Variants in SRSF7 observed in about 807,000 individuals in gnomAD.
SRSF7 encodes serine/arginine-rich splicing factor 7.
In SRSF7, 15 loss-of-function variants were observed where a neutral mutation model predicts 42.2. That is an observed-to-expected ratio of 0.36 (90% CI 0.24 to 0.55). The LOEUF (loss-of-function observed/expected upper bound fraction) is 0.55, where lower values mean the gene tolerates loss of function less well. Ranked by LOEUF, SRSF7 falls within the 20% of genes least tolerant of loss-of-function variation. The pLI, the probability that SRSF7 is intolerant of heterozygous loss-of-function variation, is 0.88. For synonymous variants in SRSF7, 138 were observed against 107.9 expected (o/e 1.28, Z -1.73); for missense variants, 181 against 305.9 (o/e 0.59, Z 3.04).
At position 38,751,327 on chromosome 2, in the gene SRSF7, A is replaced by G; in HGVS notation, c.-71T>C. Reference sequence around the variant, plus strand: ...GCTCGAGTGACGCAAAAGCTGACACACACCTTCACCCGCCAAGAGTCCCGG... The same window carrying G: ...GCTCGAGTGACGCAAAAGCTGACACGCACCTTCACCCGCCAAGAGTCCCGG... On this transcript the variant is annotated 5_prime_UTR_variant, in exon 1 of 8. Coordinates refer to ENST00000313117, the MANE Select transcript of SRSF7 (RefSeq NM_001031684.3). The G allele has an allele frequency of 3.7e-6, 6 of 1,604,760 alleles. No individual in the cohort carries two copies. The highest frequency in any genetic ancestry group is 4.5e-5 in the East Asian group (2 of 44,726).
Position 38,751,228 on chromosome 2 carries a change from C to T in SRSF7, c.28+1G>A. 1 of 1,614,140 alleles carries T rather than the reference C, an allele frequency of 6.2e-7. No homozygotes were observed. The highest frequency in any genetic ancestry group is 8.5e-7 in the Non-Finnish European group (1 of 1,179,998). On this transcript the variant is annotated splice_donor_variant, in intron 1 of 7. Transcript: ENST00000313117. LOFTEE classifies it high-confidence loss of function. ...TCCCTCACCGGACTCCAGCTTCTTA[C>T]CTCCTCCGTACCGCCCGTAACGCGA...
chr2:38,751,349 C>T lies in SRSF7; in HGVS notation c.-93G>A. The T allele has an allele frequency of 9.5e-6, 15 of 1,571,228 alleles. No individual in the cohort carries two copies. The highest frequency in any genetic ancestry group is 2.2e-5 in the South Asian group (2 of 90,004). On this transcript the variant is annotated 5_prime_UTR_variant, in exon 1 of 8. Coordinates refer to ENST00000313117, the MANE Select transcript of SRSF7 (RefSeq NM_001031684.3). ...CACACACCTTCACCCGCCAAGAGTC[C>T]CGGCGGCACTACGAGGAAGAGCCCG...
chr2:38,746,167 G>C lies in SRSF7; in HGVS notation c.639C>G (p.Ser213=). The C allele has an allele frequency of 1.2e-6, 2 of 1,614,054 alleles. No homozygotes were observed. Among genetic ancestry groups the C allele is most frequent in the South Asian group, 2.2e-5 (2 of 91,072 alleles). ...ISRPRSSRSK[S]RSPSPKRSRS... ...ACCTTCTTTTTGGAGATGGAGATCT[G>C]GACTTTGATCGGCTGTCAAAACATG... The change falls in exon 7 of 8, where the codon TCC becomes TCG. Residue 213 remains serine (S), a synonymous_variant. Transcript: ENST00000313117.
chr2:38,746,058 C>T lies in SRSF7; in HGVS notation c.662+86G>A, dbSNP rs533499559. 64 of 1,389,808 alleles carry T rather than the reference C, an allele frequency of 4.6e-5. No homozygotes were observed. The South Asian group carries it at 6.5e-4, about 14-fold the overall frequency. 86.1% of individuals were successfully genotyped at this position (1,389,808 alleles called of 1,614,324 possible). ...TATATAGCACCAATTCTCCAAAGAG[C>T]TCAAAGACTGCAAAGCAGTAAGCAA... On this transcript the variant is annotated intron_variant, in intron 7 of 7. Coordinates refer to ENST00000313117, the MANE Select transcript of SRSF7 (RefSeq NM_001031684.3).
Position 38,747,424 on chromosome 2 carries a change from GTTTT to G in SRSF7, c.572+619_572+622del, listed in dbSNP as rs1667621181. ...ACTCCCAGTAGCATTCCGTACCACGGTTTTATCGTTGGTACAGATAACAATATTG... is the reference window on the plus strand; with the variant it reads ...ACTCCCAGTAGCATTCCGTACCACGGATCGTTGGTACAGATAACAATATTG... On this transcript the variant is annotated intron_variant, in intron 5 of 7. Coordinates refer to ENST00000313117, the MANE Select transcript of SRSF7 (RefSeq NM_001031684.3). Among the ~76,000 whole-genome samples, 4 of 152,274 alleles carry G rather than the reference GTTTT, an allele frequency of 2.6e-5. No individual in the cohort carries two copies. The South Asian group carries it at 8.3e-4, about 32-fold the overall frequency.
chr2:38,751,442 A>T, upstream of SRSF7: 1 of 757,404 alleles, frequency 1.3e-6, no homozygotes, highest in Non-Finnish European at 2.1e-6. Flanking sequence ...GCGCGGCACA[A>T]AGGAGCTGGG....
At chr2:38,749,126 G>A in intron 3 of SRSF7, 14 of 1,317,088 alleles carry the variant, frequency 1.1e-5, no homozygotes, top group Non-Finnish European at 1.4e-5. Context: ...GGCCCCAATT[G>A]TAAGCCAAAT....
At position 38,743,984 on chromosome 2, in the gene SRSF7, A is replaced by G; in HGVS notation, c.*1149T>C. 4.0e-4 allele frequency: 61 copies of G among 151,892 alleles called. No individual in the cohort carries two copies. Among genetic ancestry groups the G allele is most frequent in the African/African-American group, 1.3e-3 (53 of 41,376 alleles). 9.4% of individuals were successfully genotyped at this position (151,892 alleles called of 1,614,324 possible). A position where few individuals can be genotyped will look rare whatever the true frequency, so the allele number is the denominator to read the frequency against. The stretch of plus-strand genomic sequence containing the variant: ...CAAAAGTAACTGTTACTGCCCTACT[A>G]TTCTTAAGATACTTAAAATTTGAAT... On this transcript the variant is annotated 3_prime_UTR_variant, in exon 8 of 8. Coordinates refer to ENST00000313117, the MANE Select transcript of SRSF7 (RefSeq NM_001031684.3).
rs775836573 is a variant in SRSF7 at position 38,745,226 on chromosome 2, C to T, written c.663-39G>A. 1.9e-6 allele frequency: 3 copies of T among 1,605,026 alleles called. No homozygotes were observed. In the African/African-American group the frequency reaches 4.0e-5, roughly 21 times the overall value. On this transcript the variant is annotated intron_variant, in intron 7 of 7. Transcript: ENST00000313117. ...CATTAGGTTTGGATCCAATTAGTGT[C>T]AATTGAAACTCTCATGTACATGTAC...
chr2:38,747,132 T>C (rs1224199346), intron 5 of SRSF7: 1 of 475,190 alleles, frequency 2.1e-6, no homozygotes, highest in Non-Finnish European at 4.3e-6. Context: ...CTCAGGAGGC[T>C]AAGGCAGGAT....
Position 38,745,143 on chromosome 2 carries a change from C to T in SRSF7, c.707G>A (p.Arg236Lys). 6.2e-7 allele frequency: 1 copy of T among 1,614,180 alleles called. No homozygotes were observed. Among genetic ancestry groups the T allele is most frequent in the Non-Finnish European group, 8.5e-7 (1 of 1,180,022 alleles). ...GSPRRSASPE[R>K]MD is the part of the protein sequence containing the mutation. The stretch of plus-strand genomic sequence containing the variant: ...GTGAACTTGAGAGCTTCAGTCCATT[C>T]TTTCAGGACTTGCACTTCTGCGAGG... The change falls in exon 8 of 8, where the codon AGA (arginine) becomes AAA (lysine). Residue 236 changes from arginine to lysine, a missense_variant. This residue lies in a region of SRSF7 where 136 missense variants were observed against 147.8 expected (regional missense o/e 0.92). Transcript: ENST00000313117.
chr2:38,746,703 G>C lies in SRSF7; in HGVS notation c.617C>G (p.Pro206Arg). Reference sequence around the variant, plus strand: ...CAAATTTTTACCCTACCTGCTTCTTGGTCGTGAAATAGACCTGGATCTTGA... The same window carrying C: ...CAAATTTTTACCCTACCTGCTTCTTCGTCGTGAAATAGACCTGGATCTTGA... ...SRSRSRSISR[P>R]RSSRSKSRSP... is the part of the protein sequence containing the mutation. The change falls in exon 6 of 8, where the codon CCA becomes CGA. Residue 206 changes from proline (P) to arginine (R), a missense_variant. Coordinates refer to ENST00000313117, the MANE Select transcript of SRSF7 (RefSeq NM_001031684.3). The C allele has an allele frequency of 6.2e-7, 1 of 1,613,578 alleles. No individual in the cohort carries two copies. Among genetic ancestry groups the C allele is most frequent in the Non-Finnish European group, 8.5e-7 (1 of 1,179,854 alleles).
chr2:38,748,171 C>CT lies in SRSF7; in HGVS notation c.462-15dup, dbSNP rs757697599. The CT allele has an allele frequency of 5.1e-6, 8 of 1,579,604 alleles. No homozygotes were observed. Among genetic ancestry groups the CT allele is most frequent in the East Asian group, 2.2e-5 (1 of 44,620 alleles). On this transcript the variant is annotated splice_polypyrimidine_tract_variant and intron_variant, in intron 4 of 7. Transcript: ENST00000313117. The stretch of plus-strand genomic sequence containing the variant: ...GCTGACCTTGACCTAAAATAAAGAA[C>CT]TTTAAGTCCATCTCCACAGTTTTTT...
chr2:38,749,178 A>G, intron 3 of SRSF7: 1 of 1,327,666 alleles, frequency 7.5e-7, no homozygotes, highest in Non-Finnish European at 9.9e-7. Context: ...TCTGCCCTTT[A>G]AAGAATAAGG....
intron 2 of SRSF7, 24 bp downstream of exon 2, chr2:38,749,981 TAATGAACAG>T: frequency 6.3e-7 from 1 of 1,579,178 alleles, no homozygotes; most frequent in Non-Finnish European, 8.6e-7. Flanking sequence ...CAGTATATTT[TAATGAACAG>T]AAGATTCATA....
Position 38,746,738 on chromosome 2 carries a change from C to T in SRSF7, c.582G>A (p.Ser194=). ...TAGACCTGGATCTTGATCTTGACCT[C>T]GACGGGGATCTTAATAAAAAAAGTG... is the stretch of plus-strand genomic sequence containing the variant. ...IKGSRYFQSP[S]RSRSRSRSIS... is the part of the protein sequence containing the mutation. The change falls in exon 6 of 8, where the codon TCG becomes TCA. Residue 194 remains serine, a synonymous_variant. Coordinates refer to ENST00000313117, the MANE Select transcript of SRSF7 (RefSeq NM_001031684.3). The T allele has an allele frequency of 3.1e-6, 5 of 1,613,310 alleles. No individual in the cohort carries two copies. In the African/African-American group the frequency reaches 5.3e-5, roughly 17 times the overall value.
At position 38,746,881 on chromosome 2, in the gene SRSF7, G is replaced by A. The variant is rs772468966; in HGVS notation, c.573-134C>T. The A allele has an allele frequency of 1.5e-5, 22 of 1,428,162 alleles. No individual in the cohort carries two copies. The Middle Eastern group carries it at 9.0e-4, about 59-fold the overall frequency. 88.5% of individuals were successfully genotyped at this position (1,428,162 alleles called of 1,614,324 possible). ...CAAGATGCAACACTTGCCTTATTCT[G>A]TCTAACACACTGTCAAACAAAGTGT... is the stretch of plus-strand genomic sequence containing the variant. On this transcript the variant is annotated intron_variant, in intron 5 of 7. Coordinates refer to ENST00000313117, the MANE Select transcript of SRSF7 (RefSeq NM_001031684.3).
chr2:38,744,062 A>C lies in SRSF7; in HGVS notation c.*1071T>G. ...TAAGGTCTACCAGATGCTACCAAAA[A>C]ATATTAGCTACATGGAGTGTTGCTA... On this transcript the variant is annotated 3_prime_UTR_variant, in exon 8 of 8. Coordinates refer to ENST00000313117, the MANE Select transcript of SRSF7 (RefSeq NM_001031684.3). 1 of 152,340 alleles carries C rather than the reference A, an allele frequency of 6.6e-6. No individual in the cohort carries two copies. The highest frequency in any genetic ancestry group is 1.5e-5 in the Non-Finnish European group (1 of 68,028). The allele number at this position is 152,340 out of a possible 1,614,324, so 9.4% of individuals were successfully genotyped here.
chr2:38,750,291 G>C (rs932785130), intron 1 of SRSF7, 97 bp from the exon 2 acceptor site: 51 of 1,152,590 alleles, frequency 4.4e-5, no homozygotes, highest in Non-Finnish European at 5.1e-5. Flanking sequence ...CTCAAGATTG[G>C]GTAAAGCACA....
Sources: allele counts gnomAD v4.1 joint callset (sites outside exome capture counted in the v4.1 genomes callset), GRCh38; gene constraint gnomAD v4.1.1; regional missense constraint gnomAD v4.1.1; transcripts MANE v1.5; gene names NCBI Gene and HGNC (gene_info 2026-07-23, HGNC 2026-07-21).